PSD2: variants seen among roughly 807,000 people sequenced by gnomAD.
The protein encoded by PSD2 is pleckstrin and Sec7 domain containing 2.
In PSD2, 38 loss-of-function variants were observed where a neutral mutation model predicts 69.8. The observed-to-expected ratio is 0.54, with a 90% CI of 0.42 to 0.71. The LOEUF is 0.71. Ranked by LOEUF, PSD2 falls within the 30% of genes least tolerant of loss-of-function variation. The pLI is 0.00. For missense variants in PSD2, 943 were observed against 1,014.5 expected (o/e 0.93, Z 0.96); for synonymous variants, 412 against 423.0 (o/e 0.97, Z 0.32).
intron 7 of PSD2, 79 bp from the exon 8 acceptor site, chr5:139,833,623 T>C (rs2126963471): frequency 1.0e-6 from 1 of 973,664 alleles, no homozygotes. Context: ...CTCATCCCTC[T>C]GGCTGGGCAG....
chr5:139,786,466 T>C, the PSD2 span, among the ~76,000 whole-genome samples: 1 of 152,224 alleles, frequency 6.6e-6, no homozygotes, highest in East Asian at 1.9e-4. Flanking sequence ...GGCTTTCTGG[T>C]ATGCCCAGGT....
In PSD2 at chr5:139,809,458, C is replaced by G. The variant is rs137874331; in HGVS notation, c.18C>G (p.Leu6=). The G allele has an allele frequency of 1.7e-5, 28 of 1,612,002 alleles. No homozygotes were observed. In the Middle Eastern group the frequency reaches 7.1e-4, roughly 41 times the overall value. The stretch of plus-strand genomic sequence containing the variant: ...TGGCTGCCATGGAGGAGGACAAGCT[C>G]TTATCTGCAGTGCCTGAGGAAGGCG... MEEDK[L]LSAVPEEGDA... is the part of the protein sequence containing the mutation. The change falls in exon 2 of 15, where the codon CTC becomes CTG. Residue 6 remains leucine (L), a synonymous_variant. Coordinates refer to ENST00000274710, the MANE Select transcript of PSD2 (RefSeq NM_032289.4).
intron 1 of PSD2, among the ~76,000 whole-genome samples, chr5:139,804,123 GT>G (rs1188424296): frequency 6.6e-6 from 1 of 152,194 alleles, no homozygotes; most frequent in Non-Finnish European, 1.5e-5. Flanking sequence ...TCTCTTTTAA[GT>G]GTCTGTGTGT....
At position 139,814,008 on chromosome 5, in the gene PSD2, C is replaced by T. The variant is rs1760049265; in HGVS notation, c.822-162C>T. Among the ~76,000 whole-genome samples, 1 of 152,208 alleles carries T rather than the reference C, an allele frequency of 6.6e-6. No homozygotes were observed. Among genetic ancestry groups the T allele is most frequent in the Admixed American group, 6.5e-5 (1 of 15,284 alleles). On this transcript the variant is annotated intron_variant, in intron 3 of 14. Coordinates refer to ENST00000274710, the MANE Select transcript of PSD2 (RefSeq NM_032289.4). The surrounding 1 kb of genome is among the most constrained non-coding windows in gnomAD (Gnocchi z 4.4). ...ATGCTGTGAGTTCACTTGAGAGGTT[C>T]TTCTGAAAGTCTGATTTCATTCCCT...
chr5:139,830,486 A>G (rs941960563), intron 7 of PSD2, among the ~76,000 whole-genome samples: 1 of 150,308 alleles, frequency 6.7e-6, no homozygotes, highest in African/African-American at 2.4e-5. Context: ...GAGTAGCTGG[A>G]ACCACAAGCA....
chr5:139,824,697 A>T (rs1760372095), intron 7 of PSD2, among the ~76,000 whole-genome samples: 1 of 152,172 alleles, frequency 6.6e-6, no homozygotes, highest in Non-Finnish European at 1.5e-5. Context: ...TATTTACTTC[A>T]CTATGCCTCA....
the PSD2 span, among the ~76,000 whole-genome samples, chr5:139,779,272 GTCT>G: frequency 2.0e-5 from 3 of 152,174 alleles, no homozygotes; most frequent in East Asian, 3.8e-4. Context: ...TCTTTTGGCT[GTCT>G]TCTTCTCCAC....
the PSD2 span, among the ~76,000 whole-genome samples, chr5:139,766,930 C>CTTTCTTTCTTTCT: frequency 1.6e-4 from 7 of 44,118 alleles, no homozygotes; most frequent in South Asian, 8.3e-4. Flanking sequence ...CCTTCCTTCC[C>CTTTCTTTCTTTCT]TTCTTTCTTT....
chr5:139,824,419 C>A (rs1341571552), intron 7 of PSD2, among the ~76,000 whole-genome samples: 2 of 114,496 alleles, frequency 1.7e-5, no homozygotes, highest in African/African-American at 7.2e-5. Context: ...TTTTTTGAGA[C>A]GGAGTCTCAC....
At chr5:139,797,044 G>A (rs964775634) in intron 1 of PSD2, among the ~76,000 whole-genome samples, 1 of 152,150 alleles carries the variant, frequency 6.6e-6, no homozygotes, top group Non-Finnish European at 1.5e-5. Context: ...GGTTCACTGG[G>A]CTGGGACTGC....
At chr5:139,805,505 G>A (rs1001238125) in intron 1 of PSD2, among the ~76,000 whole-genome samples, 34 of 152,170 alleles carry the variant, frequency 2.2e-4, no homozygotes, top group African/African-American at 7.7e-4. Flanking sequence ...CACCCTCACT[G>A]AACTTACATC....
At chr5:139,819,131 A>T (rs1760193972) in intron 5 of PSD2, among the ~76,000 whole-genome samples, 2 of 152,208 alleles carry the variant, frequency 1.3e-5, no homozygotes, top group Non-Finnish European at 2.9e-5. Context: ...TACTTTGTAT[A>T]GAATTGTAGT....
At chr5:139,792,182 G>A (rs1215147228), upstream of PSD2, among the ~76,000 whole-genome samples, 1 of 152,050 alleles carries the variant, frequency 6.6e-6, no homozygotes, top group Non-Finnish European at 1.5e-5. Context: ...CTGGGGACAG[G>A]GGCAGGTTAC....
Position 139,837,734 on chromosome 5 carries a change from T to A in PSD2, c.1775T>A (p.Val592Glu). The stretch of plus-strand genomic sequence containing the variant: ...TCTGACTACAGCAAGAAGTCCAACG[T>A]GCTGAAGCTTAAGACAGCCGACTGG... ...RASDYSKKSN[V>E]LKLKTADWRV... Residue 592 changes from valine (V) to glutamate (E), a missense_variant, in exon 12 of 15, where the codon GTG becomes GAG. Val to Glu is a moderately radical substitution (Grantham distance 121). Around this residue, in one of 3 missense-constraint regions of PSD2, gnomAD observed 312 missense variants for 400.7 expected, o/e 0.78. Coordinates refer to ENST00000274710, the MANE Select transcript of PSD2 (RefSeq NM_032289.4). The surrounding 1 kb of genome is among the most constrained non-coding windows in gnomAD (Gnocchi z 5.0). 1 of 1,614,010 alleles carries A rather than the reference T, an allele frequency of 6.2e-7. No individual in the cohort carries two copies. The highest frequency in any genetic ancestry group is 1.3e-5 in the African/African-American group (1 of 75,040).
the PSD2 span, among the ~76,000 whole-genome samples, chr5:139,780,307 C>T: frequency 1.3e-5 from 2 of 152,188 alleles, no homozygotes. Context: ...AGCTGTACAC[C>T]CCAGGCTGTT....
the PSD2 span, among the ~76,000 whole-genome samples, chr5:139,751,549 C>T: frequency 6.6e-6 from 1 of 152,186 alleles, no homozygotes; most frequent in Non-Finnish European, 1.5e-5. Flanking sequence ...ATTAGACAAA[C>T]CCAGGTTCAG....
intron 4 of PSD2, among the ~76,000 whole-genome samples, chr5:139,817,161 G>A (rs1333738322): frequency 6.6e-6 from 1 of 152,154 alleles, no homozygotes; most frequent in African/African-American, 2.4e-5. Context: ...TTAGGTTCTG[G>A]CCACATGGCC....
chr5:139,748,152 C>T, the PSD2 span, among the ~76,000 whole-genome samples: 141 of 152,198 alleles, frequency 9.3e-4, no homozygotes, highest in Non-Finnish European at 1.3e-3. Flanking sequence ...CCCAGGAAAA[C>T]TCGGCATTTG....
At chr5:139,836,275 G>C (rs1000063271) in intron 9 of PSD2, among the ~76,000 whole-genome samples, 2 of 152,206 alleles carry the variant, frequency 1.3e-5, no homozygotes, top group African/African-American at 4.8e-5. Flanking sequence ...ACCGTGAAAG[G>C]CTCTGCTGTG....
Sources: gnomAD v4.1 joint callset for allele counts (sites outside exome capture counted in the v4.1 genomes callset) on GRCh38, gnomAD v4.1.1 for gene constraint, gnomAD v4.1.1 regional missense constraint, Gnocchi (gnomAD v3.1) non-coding constraint, MANE v1.5 for transcripts, NCBI Gene and HGNC (gene_info 2026-07-23, HGNC 2026-07-21) for gene names.